The following RIT2 variants were observed in gnomAD, a reference collection of about 807,000 sequenced individuals.
RIT2 encodes the protein Ras like without CAAX 2.
Under a neutral mutation model 23.7 loss-of-function variants are expected in RIT2, and 24 were observed. The ratio of observed to expected loss-of-function variants is 1.01; its 90% CI spans 0.73 to 1.43. RIT2 has a LOEUF of 1.43. Among genes scored for constraint, RIT2 ranks in the 40% most tolerant of loss-of-function variants. RIT2 has a pLI of 0.00. For synonymous variants in RIT2, 107 were observed against 91.1 expected (o/e 1.17, Z -0.99); for missense variants, 236 against 266.9 (o/e 0.88, Z 0.81).
At chr18:43,021,256 C>T (rs1911590864) in intron 2 of RIT2, among the ~76,000 whole-genome samples, 1 of 151,910 alleles carries the variant, frequency 6.6e-6, no homozygotes, top group Non-Finnish European at 1.5e-5. Context: ...AGATGACACG[C>T]AAATGTCCAA....
intron 4 of RIT2, among the ~76,000 whole-genome samples, chr18:42,856,648 C>G (rs1305077067): frequency 6.6e-6 from 1 of 152,072 alleles, no homozygotes; most frequent in African/African-American, 2.4e-5. Context: ...CTGGATTCTG[C>G]CTTCAATTCT....
intron 4 of RIT2, among the ~76,000 whole-genome samples, chr18:42,802,831 AT>A (rs1187806571): frequency 1.3e-5 from 2 of 152,184 alleles, no homozygotes; most frequent in Non-Finnish European, 2.9e-5. Context: ...ATTGTCAGGC[AT>A]TTTGAAATGT....
intron 1 of RIT2, among the ~76,000 whole-genome samples, chr18:43,084,847 T>C (rs1371650311): frequency 1.3e-5 from 2 of 152,192 alleles, no homozygotes; most frequent in African/African-American, 2.4e-5. Flanking sequence ...TGTATACCTA[T>C]GTAACAAACC....
intron 3 of RIT2, 106 bp downstream of exon 3, chr18:42,973,968 T>G (rs1910421052): frequency 1.5e-6 from 1 of 672,302 alleles, no homozygotes; most frequent in Non-Finnish European, 2.5e-6. Flanking sequence ...ACAAATTTGT[T>G]CTTCTTCTGC....
chr18:42,819,561 A>C (rs892604743), intron 4 of RIT2, among the ~76,000 whole-genome samples: 13 of 152,070 alleles, frequency 8.5e-5, no homozygotes, highest in African/African-American at 2.9e-4. Flanking sequence ...AATAAAGTAC[A>C]TCTTTATGTG....
chr18:42,902,839 A>G (rs1390111925), intron 4 of RIT2, among the ~76,000 whole-genome samples: 1 of 151,806 alleles, frequency 6.6e-6, no homozygotes, highest in Non-Finnish European at 1.5e-5. Flanking sequence ...AAATAAATAA[A>G]AATGTATCAG....
rs57397369 is a variant in RIT2, at chr18:42,984,977, G to GA, written c.161-10831dup. 9.0e-3 allele frequency among the ~76,000 whole-genome samples: 1,360 copies of GA among 151,840 alleles called. 38 individuals carry two copies. Among genetic ancestry groups the GA allele is most frequent in the African/African-American group, 0.031 (1,291 of 41,450 alleles). On this transcript the variant is annotated intron_variant, in intron 2 of 4. Transcript: ENST00000326695. ...TGATGTGAAAAAAAAGTTTAGCATA[G>GA]AAAAAAATGCCTCTATTCATGAAAA...
At chr18:42,922,969 C>A (rs911692068) in intron 4 of RIT2, among the ~76,000 whole-genome samples, 10 of 152,134 alleles carry the variant, frequency 6.6e-5, no homozygotes, top group African/African-American at 2.2e-4. Context: ...ACCCCCAAAA[C>A]ATGGTAGCGT....
At chr18:42,981,102 T>C (rs893185962) in intron 2 of RIT2, among the ~76,000 whole-genome samples, 1 of 152,086 alleles carries the variant, frequency 6.6e-6, no homozygotes, top group East Asian at 1.9e-4. Flanking sequence ...ATGCTGAATG[T>C]CTCCAGTTCT....
At chr18:42,975,113 C>T (rs1910449039) in intron 2 of RIT2, among the ~76,000 whole-genome samples, 1 of 152,058 alleles carries the variant, frequency 6.6e-6, no homozygotes, top group Non-Finnish European at 1.5e-5. Context: ...TCTGCAACCT[C>T]ACTGGCATCT....
intron 4 of RIT2, among the ~76,000 whole-genome samples, chr18:42,803,257 A>G (rs7239046): frequency 0.02 from 3,089 of 152,242 alleles, 80 homozygotes; most frequent in African/African-American, 0.064. Context: ...GAATATGCCA[A>G]ATTTTCTCAG....
intron 1 of RIT2, among the ~76,000 whole-genome samples, chr18:43,039,308 G>A (rs1038617878): frequency 1.3e-5 from 2 of 148,370 alleles, no homozygotes; most frequent in East Asian, 2.0e-4. Context: ...CCACAGCCTT[G>A]TAATGGCACC....
At chr18:42,752,807 A>T (rs1306890141) in intron 4 of RIT2, among the ~76,000 whole-genome samples, 3 of 152,194 alleles carry the variant, frequency 2.0e-5, no homozygotes, top group Non-Finnish European at 4.4e-5. Context: ...GGTAAGAAGC[A>T]ATTGATGCAG....
At chr18:42,992,899 T>C (rs1204108487) in intron 2 of RIT2, among the ~76,000 whole-genome samples, 2 of 152,146 alleles carry the variant, frequency 1.3e-5, no homozygotes, top group Non-Finnish European at 2.9e-5. Context: ...TCAATATGCA[T>C]TTTATTTTAT....
chr18:42,908,187 A>G (rs1263132799), intron 4 of RIT2, among the ~76,000 whole-genome samples: 1 of 151,980 alleles, frequency 6.6e-6, no homozygotes, highest in African/African-American at 2.4e-5. Flanking sequence ...AGAGTGGAAA[A>G]GACACAGAAA....
At chr18:43,009,175 A>G (rs1300680201) in intron 2 of RIT2, among the ~76,000 whole-genome samples, 6 of 151,738 alleles carry the variant, frequency 4.0e-5, no homozygotes, top group Non-Finnish European at 5.9e-5. Flanking sequence ...AAAACCGAAG[A>G]CATCCTAATT....
intron 2 of RIT2, among the ~76,000 whole-genome samples, chr18:43,001,292 C>T (rs1258984183): frequency 6.6e-6 from 1 of 151,758 alleles, no homozygotes; most frequent in Non-Finnish European, 1.5e-5. Flanking sequence ...TTTTAAAGGG[C>T]TTCAATGTAG....
chr18:42,963,406 A>G (rs1247482743), intron 3 of RIT2, among the ~76,000 whole-genome samples: 5 of 152,226 alleles, frequency 3.3e-5, no homozygotes, highest in Non-Finnish European at 2.9e-5. Context: ...AATATTTAGA[A>G]GAAAATAACT....
At chr18:43,006,463 T>G (rs1192119525) in intron 2 of RIT2, among the ~76,000 whole-genome samples, 1 of 151,540 alleles carries the variant, frequency 6.6e-6, no homozygotes, top group Non-Finnish European at 1.5e-5. Flanking sequence ...TAAAATGCAT[T>G]AAGAGCATAA....
Sources: gnomAD v4.1 joint callset for allele counts (sites outside exome capture counted in the v4.1 genomes callset) on GRCh38, gnomAD v4.1.1 for gene constraint, MANE v1.5 for transcripts, NCBI Gene and HGNC (gene_info 2026-07-23, HGNC 2026-07-21) for gene names.